GLYR1: variants seen among roughly 807,000 people sequenced by gnomAD.
GLYR1 encodes the protein glyoxylate reductase 1 homolog.
In GLYR1, 21 loss-of-function variants were observed where a neutral mutation model predicts 72.7. The observed-to-expected ratio is 0.29, with a 90% CI of 0.20 to 0.42. GLYR1 has a LOEUF of 0.42. Among genes scored for constraint, GLYR1 ranks in the 10% least tolerant of loss-of-function variants. GLYR1 has a pLI of 1.00. For synonymous variants in GLYR1, 392 were observed against 270.2 expected, an observed-to-expected ratio of 1.45 and a Z score of -4.42; for missense variants, 594 against 712.1, an observed-to-expected ratio of 0.83 and a Z score of 1.89.
At chr16:4,817,756 ATTCC>A in intron 9 of GLYR1, 59 bp from the exon 10 acceptor site, 1 of 1,054,820 alleles carries the variant, frequency 9.5e-7, no homozygotes. Context: ...GGTGATGATG[ATTCC>A]ATGCAGCACA....
At chr16:4,811,467 T>C (rs1032130934) in intron 14 of GLYR1, among the ~76,000 whole-genome samples, 156 bp downstream of exon 14, 2 of 152,210 alleles carry the variant, frequency 1.3e-5, no homozygotes, top group Non-Finnish European at 2.9e-5. Flanking sequence ...TCCCAGCCTA[T>C]ATCCCCAAAT....
intron 3 of GLYR1, among the ~76,000 whole-genome samples, chr16:4,837,088 T>G (rs574863217): frequency 6.6e-6 from 1 of 152,352 alleles, no homozygotes; most frequent in African/African-American, 2.4e-5. Flanking sequence ...TGAATTAAAA[T>G]CTGGTATTTT....
intron 4 of GLYR1, 166 bp downstream of exon 4, chr16:4,832,608 G>C: frequency 1.2e-6 from 1 of 841,878 alleles, no homozygotes; most frequent in Non-Finnish European, 1.8e-6. Flanking sequence ...GCTGCATGGA[G>C]TTTCAAACTG....
intron 3 of GLYR1, among the ~76,000 whole-genome samples, chr16:4,839,066 T>C (rs912088242): frequency 6.6e-6 from 1 of 152,060 alleles, no homozygotes; most frequent in African/African-American, 2.4e-5. Context: ...TCACCTGTGT[T>C]TCAGCCTTCG....
At chr16:4,805,862 T>C (rs1399947397) in intron 15 of GLYR1, among the ~76,000 whole-genome samples, 1 of 151,440 alleles carries the variant, frequency 6.6e-6, no homozygotes, top group African/African-American at 2.4e-5. Context: ...GTGCCTGTAA[T>C]CCCAGCTACT....
intron 3 of GLYR1, among the ~76,000 whole-genome samples, chr16:4,836,880 A>G (rs1396996210): frequency 6.6e-6 from 1 of 151,734 alleles, no homozygotes; most frequent in Admixed American, 6.5e-5. Flanking sequence ...GGCTATGCCG[A>G]CTGCCCAGAG....
chr16:4,827,083 T>C (rs1209291283), intron 5 of GLYR1, among the ~76,000 whole-genome samples: 4 of 152,236 alleles, frequency 2.6e-5, no homozygotes, highest in Non-Finnish European at 4.4e-5. Flanking sequence ...AGCTCTTACA[T>C]GCAGGTCCAG....
chr16:4,828,217 C>A (rs1408718740), intron 5 of GLYR1, among the ~76,000 whole-genome samples: 1 of 151,586 alleles, frequency 6.6e-6, no homozygotes, highest in African/African-American at 2.4e-5. Context: ...CTATAGGCGC[C>A]CACCACCATG....
chr16:4,821,092 G>C, intron 9 of GLYR1: 1 of 504,798 alleles, frequency 2.0e-6, no homozygotes, highest in Non-Finnish European at 3.6e-6. Flanking sequence ...CCTTCCAGGT[G>C]ACTGTCAGGC....
Position 4,814,559 on chromosome 16 carries a change from G to A in GLYR1, c.995C>T (p.Ser332Leu). ...STCDITFACVSDPKAAKDLVL... is the reference protein window; with the variant it reads ...STCDITFACVLDPKAAKDLVL... ...TACGTCCTTGGCCGCCTTGGGATCC[G>A]ACACGCAGGCGAAAGTGATGTCGCA... Residue 332 changes from serine (S) to leucine (L), a missense_variant, in exon 11 of 16, where the codon TCG (serine) becomes TTG (leucine). Physicochemically the swap from Ser to Leu is moderately radical, Grantham distance 145. This residue lies in a region of GLYR1 where 266 missense variants were observed against 358.4 expected (regional missense o/e 0.74). Transcript: ENST00000321919. 6.2e-7 allele frequency: 1 copy of A among 1,613,774 alleles called. No individual in the cohort carries two copies. Among genetic ancestry groups the A allele is most frequent in the Non-Finnish European group, 8.5e-7 (1 of 1,179,990 alleles).
intron 15 of GLYR1, among the ~76,000 whole-genome samples, chr16:4,810,144 G>A (rs373585638): frequency 3.3e-5 from 5 of 152,130 alleles, no homozygotes; most frequent in South Asian, 2.1e-4. Context: ...ATATACTCAT[G>A]TTATAAAGAA....
chr16:4,830,499 C>A (rs2084725793), intron 5 of GLYR1, among the ~76,000 whole-genome samples: 1 of 152,204 alleles, frequency 6.6e-6, no homozygotes, highest in African/African-American at 2.4e-5. Context: ...GCTGGGGTGC[C>A]TGGCACCCGT....
Position 4,832,117 on chromosome 16 carries a change from T to C in GLYR1, c.399A>G (p.Glu133=). 6.2e-7 allele frequency: 1 copy of C among 1,614,194 alleles called. No individual in the cohort carries two copies. The highest frequency in any genetic ancestry group is 8.5e-7 in the Non-Finnish European group (1 of 1,180,018). The change falls in exon 5 of 16, where the codon GAA becomes GAG. Residue 133 remains glutamate (E), a synonymous_variant. Transcript: ENST00000321919. ...CTCCCATGTTCTTCTTCACCTTCCC[T>C]TCAGACAGGCTAAGTTTGCGCTTCT... ...GDEKRKLSLS[E]GKVKKNMGEG...
At chr16:4,817,901 C>G (rs2083750834) in intron 9 of GLYR1, 1 of 547,918 alleles carries the variant, frequency 1.8e-6, no homozygotes, top group Non-Finnish European at 3.3e-6. Flanking sequence ...AAAGCTGTCC[C>G]AGGATGTAAA....
chr16:4,823,878 C>T lies in GLYR1; in HGVS notation c.567G>A (p.Val189=), dbSNP rs1468943716. 3 of 1,614,114 alleles carry T rather than the reference C, an allele frequency of 1.9e-6. No individual in the cohort carries two copies. Among genetic ancestry groups the T allele is most frequent in the Non-Finnish European group, 2.5e-6 (3 of 1,180,018 alleles). ...CCATCGGTCCGGCCATCATCCCCTTCACGGTACTAGACTCCGGGATGGTGA... is the reference window on the plus strand; with the variant it reads ...CCATCGGTCCGGCCATCATCCCCTTTACGGTACTAGACTCCGGGATGGTGA... ...KDLTIPESST[V]KGMMAGPMAA... Residue 189 remains valine (V), a synonymous_variant, in exon 6 of 16, where the codon GTG becomes GTA. Transcript: ENST00000321919.
chr16:4,836,401 C>T (rs2085135508), intron 3 of GLYR1, among the ~76,000 whole-genome samples: 1 of 152,168 alleles, frequency 6.6e-6, no homozygotes, highest in Admixed American at 6.5e-5. Context: ...TATCATCCTC[C>T]CAAGACTTAG....
At chr16:4,833,778 G>C (rs900204084) in intron 3 of GLYR1, among the ~76,000 whole-genome samples, 1 of 152,292 alleles carries the variant, frequency 6.6e-6, no homozygotes, top group African/African-American at 2.4e-5. Context: ...CAATTCTGGG[G>C]TTTCTGATCT....
chr16:4,806,805 CTTTTTT>C (rs546117839), intron 15 of GLYR1, among the ~76,000 whole-genome samples: 17 of 140,970 alleles, frequency 1.2e-4, no homozygotes, highest in African/African-American at 4.2e-4. Flanking sequence ...ATTCTTTTTT[CTTTTTT>C]TTTTTTTTGA....
Position 4,821,397 on chromosome 16 carries a change from G to A in GLYR1, c.789C>T (p.Ile263=). The part of the protein sequence containing the change: ...AADSTAVNGS[I]TPTDKKIGFL... ...GGTCCTACTTTTTGTCTGTGGGTGT[G>A]ATGCTGCCATTCACGGCTGTGCTGT... The change falls in exon 9 of 16, where the codon ATC becomes ATT. Residue 263 remains isoleucine (I), a synonymous_variant. Transcript: ENST00000321919. 1 of 1,613,296 alleles carries A rather than the reference G, an allele frequency of 6.2e-7. No individual in the cohort carries two copies. The highest frequency in any genetic ancestry group is 8.5e-7 in the Non-Finnish European group (1 of 1,180,046).
Sources: allele counts gnomAD v4.1 joint callset (sites outside exome capture counted in the v4.1 genomes callset), GRCh38; gene constraint gnomAD v4.1.1; regional missense constraint gnomAD v4.1.1; transcripts MANE v1.5; gene names NCBI Gene and HGNC (gene_info 2026-07-23, HGNC 2026-07-21).